DNASE1: variants seen among roughly 807,000 people sequenced by gnomAD.
DNASE1 encodes the protein deoxyribonuclease 1.
DNASE1 carries 40 observed loss-of-function variants against 33.9 expected under a neutral mutation model. The observed-to-expected ratio is 1.18, with a 90% CI of 0.92 to 1.54. The LOEUF is 1.54. Among genes scored for constraint, DNASE1 ranks in the 40% most tolerant of loss-of-function variants. The probability of loss-of-function intolerance (pLI) is 0.00; values close to 1 mark genes in which losing one functional copy is unlikely to be tolerated. For synonymous variants in DNASE1, 216 were observed against 160.0 expected (o/e 1.35, Z -2.64); for missense variants, 518 against 372.6 (o/e 1.39, Z -3.21).
chr16:3,663,405 G>C (rs1444477535), exon 10 of DNASE1: 3 of 1,613,880 alleles, frequency 1.9e-6, no homozygotes, highest in Admixed American at 1.7e-5. Context: ...CCCACGCCTA[G>C]AGAGCAGGGG....
At chr16:3,664,952 G>A (rs1281050772) in exon 10 of DNASE1, 1 of 157,862 alleles carries the variant, frequency 6.3e-6, no homozygotes, top group Non-Finnish European at 1.4e-5. Context: ...CCCATCAGCT[G>A]AACGCAGCTG....
chr16:3,662,950 C>CTGAT (rs757337839), downstream of DNASE1: 13 of 1,611,512 alleles, frequency 8.1e-6, no homozygotes, highest in African/African-American at 5.3e-5. Context: ...GTCTCCTTCT[C>CTGAT]TGATAGGCAC....
intron 1 of DNASE1, among the ~76,000 whole-genome samples, chr16:3,629,062 C>G (rs933493703): frequency 4.0e-5 from 6 of 148,956 alleles, no homozygotes; most frequent in Non-Finnish European, 8.9e-5. Flanking sequence ...ATCCCAGCTA[C>G]TTGGGAAGCT....
At position 3,657,045 on chromosome 16, in the gene DNASE1, C is replaced by G; in HGVS notation, c.483C>G (p.Asp161Glu). ...AIVPLHAAPG[D>E]AVAEIDALYD... ...TTCCCCTGCATGCGGCCCCGGGGGA[C>G]GCAGTAGCCGAGATCGACGCTCTCT... Residue 161 changes from aspartate (D) to glutamate (E), a missense_variant, in exon 6 of 9, where the codon GAC (aspartate) becomes GAG (glutamate). Transcript: ENST00000246949. 6.2e-7 allele frequency: 1 copy of G among 1,613,720 alleles called. No individual in the cohort carries two copies. The highest frequency in any genetic ancestry group is 2.2e-5 in the East Asian group (1 of 44,882).
rs149568147 is a variant in DNASE1, at chr16:3,629,621, C to T, written c.-1358-11094C>T. Among the ~76,000 whole-genome samples, 854 of 152,214 alleles carry T rather than the reference C, an allele frequency of 5.6e-3. 10 individuals are homozygous for T. The highest frequency in any genetic ancestry group is 0.019 in the African/African-American group (802 of 41,526). On this transcript the variant is annotated intron_variant and NMD_transcript_variant, in intron 1 of 11. Coordinates refer to the DNASE1 transcript ENST00000570769. ...GATTTAGGAAGTATTTCTTACTCTC[C>T]ACTTTTTTGGAAAAGTTTTGAGAAG...
At chr16:3,664,546 C>T in exon 10 of DNASE1, 6 of 1,410,732 alleles carry the variant, frequency 4.3e-6, no homozygotes, top group Non-Finnish European at 5.7e-6. Context: ...CTCCGATGCC[C>T]ATGGCCTCCT....
At chr16:3,642,199 C>T (rs758400282), upstream of DNASE1, among the ~76,000 whole-genome samples, 2 of 152,318 alleles carry the variant, frequency 1.3e-5, no homozygotes, top group East Asian at 1.9e-4. Context: ...GGCCTCTTTG[C>T]GTGGAATGGT....
chr16:3,656,589 G>A (rs774274448), intron 4 of DNASE1, 49 bp from the exon 5 acceptor site: 1 of 1,511,216 alleles, frequency 6.6e-7, no homozygotes, highest in South Asian at 1.2e-5. Context: ...AGCAGGAGTG[G>A]GGCAGCTTCC....
chr16:3,658,071 A>G lies in DNASE1; in HGVS notation c.*118A>G. 1 of 1,609,752 alleles carries G rather than the reference A, an allele frequency of 6.2e-7. No individual in the cohort carries two copies. The highest frequency in any genetic ancestry group is 8.5e-7 in the Non-Finnish European group (1 of 1,177,122). Reference sequence around the variant, plus strand: ...GAAATACCTTTAAATTTAGGTAAATAAAGCTCAAGGAGGTGGGGCTGTCAT... The same window carrying G: ...GAAATACCTTTAAATTTAGGTAAATGAAGCTCAAGGAGGTGGGGCTGTCAT... On this transcript the variant is annotated 3_prime_UTR_variant, in exon 9 of 9. Coordinates refer to ENST00000246949, the MANE Select transcript of DNASE1 (RefSeq NM_005223.4).
downstream of DNASE1, chr16:3,658,648 GGCAACAGA>G (rs1387741797): frequency 2.5e-6 from 2 of 795,488 alleles, no homozygotes; most frequent in African/African-American, 1.7e-5. Context: ...ACTCCAGCCT[GGCAACAGA>G]GCAACACTCC....
exon 10 of DNASE1, chr16:3,663,867 T>A (rs947224345): frequency 2.6e-6 from 1 of 390,006 alleles, no homozygotes; most frequent in Non-Finnish European, 4.7e-6. Flanking sequence ...AGGTCAGGAG[T>A]TCGAGACCAA....
Position 3,657,720 on chromosome 16 carries a change from G to C in DNASE1, c.705G>C (p.Arg235Ser), listed in dbSNP as rs763119673. ...TATPTHCAYD[R>S]IVVAGMLLRG... ...ACTTTCTCTTCCCAACACCCATCAG[G>C]ATCGTGGTTGCAGGGATGCTGCTCC... The change falls in exon 8 of 9, where the codon AGG becomes AGC. Residue 235 changes from arginine (R) to serine (S), a missense_variant and splice_region_variant. Arg to Ser is a moderately radical substitution (Grantham distance 110). Transcript: ENST00000246949. 1.2e-6 allele frequency: 2 copies of C among 1,613,994 alleles called. No homozygotes were observed. The highest frequency in any genetic ancestry group is 1.7e-6 in the Non-Finnish European group (2 of 1,179,990).
chr16:3,664,107 G>A lies in DNASE1; in HGVS notation c.*6154G>A, dbSNP rs1596695109. The A allele has an allele frequency of 1.2e-5, 8 of 688,474 alleles. 1 individual carries two copies. In the East Asian group the frequency reaches 2.5e-4, roughly 22 times the overall value. 42.6% of individuals were successfully genotyped at this position (688,474 alleles called of 1,614,324 possible). A position where few individuals can be genotyped will look rare whatever the true frequency, so the allele number is the denominator to read the frequency against. On this transcript the variant is annotated 3_prime_UTR_variant, in exon 10 of 10. Transcript: ENST00000407479. Reference sequence around the variant, plus strand: ...AAAAAAAACCACATGTGACCTCCAAGTGGGAAACAGCCGTCACAGTCGGTC... The same window carrying A: ...AAAAAAAACCACATGTGACCTCCAAATGGGAAACAGCCGTCACAGTCGGTC...
chr16:3,662,253 C>T, downstream of DNASE1: 2 of 1,229,108 alleles, frequency 1.6e-6, no homozygotes, highest in Admixed American at 2.5e-5. Flanking sequence ...TCAAGGACTC[C>T]CCTGGACCAG....
At position 3,654,704 on chromosome 16, in the gene DNASE1, C is replaced by T; in HGVS notation, c.-342C>T. 1 of 399,492 alleles carries T rather than the reference C, an allele frequency of 2.5e-6. No individual in the cohort carries two copies. The highest frequency in any genetic ancestry group is 4.4e-6 in the Non-Finnish European group (1 of 226,786). The allele number at this position is 399,492 out of a possible 1,614,324, so 24.7% of individuals were successfully genotyped here. ...TGATTATCAGGTGCAGTTTTTACAG[C>T]AGCAAGAAACCTGTGCTTACAGAAA... On this transcript the variant is annotated 5_prime_UTR_variant, in exon 1 of 9. Coordinates refer to ENST00000246949, the MANE Select transcript of DNASE1 (RefSeq NM_005223.4).
Position 3,655,227 on chromosome 16 carries a change from A to C in DNASE1, c.-1-146A>C, listed in dbSNP as rs992068539. 4.3e-6 allele frequency: 5 copies of C among 1,151,716 alleles called. No homozygotes were observed. In the African/African-American group the frequency reaches 7.7e-5, roughly 18 times the overall value. 71.3% of individuals were successfully genotyped at this position (1,151,716 alleles called of 1,614,324 possible). A position where few individuals can be genotyped will look rare whatever the true frequency, so the allele number is the denominator to read the frequency against. ...TGGTGCCAGCTGTTTGGCTTTCTGG[A>C]CGTTGTAGGAAAGGGTTTCCCCCGC... is the stretch of plus-strand genomic sequence containing the variant. On this transcript the variant is annotated intron_variant, in intron 1 of 8. Coordinates refer to ENST00000246949, the MANE Select transcript of DNASE1 (RefSeq NM_005223.4).
downstream of DNASE1, chr16:3,658,692 A>AACAC: frequency 8.4e-7 from 1 of 1,193,792 alleles, no homozygotes; most frequent in South Asian, 1.4e-5. Flanking sequence ...CAAACAAACA[A>AACAC]AAAGACAGGA....
upstream of DNASE1, among the ~76,000 whole-genome samples, chr16:3,642,313 C>A (rs1216279074): frequency 6.6e-6 from 1 of 152,232 alleles, no homozygotes; most frequent in Non-Finnish European, 1.5e-5. Flanking sequence ...CATCCTTGGG[C>A]ACTCCTGTGT....
intron 1 of DNASE1, among the ~76,000 whole-genome samples, chr16:3,632,954 AT>A (rs1056542422): frequency 1.3e-5 from 2 of 151,850 alleles, no homozygotes; most frequent in Non-Finnish European, 2.9e-5. Context: ...TTCTTTTAAC[AT>A]TTTTTGCAAG....
Sources: allele counts gnomAD v4.1 joint callset (sites outside exome capture counted in the v4.1 genomes callset), GRCh38; gene constraint gnomAD v4.1.1; transcripts MANE v1.5; gene names NCBI Gene and HGNC (gene_info 2026-07-23, HGNC 2026-07-21).